Variants in TMEM272 observed in about 807,000 individuals in gnomAD.
TMEM272 encodes the protein long intergenic non-protein coding RNA 282.
A neutral mutation model predicts 3.7 loss-of-function variants in TMEM272; 8 were observed. The ratio of observed to expected loss-of-function variants is 2.17; its 90% CI spans 1.27 to 3.91. The LOEUF (loss-of-function observed/expected upper bound fraction) is 3.91. Ranked by LOEUF, TMEM272 falls within the 30% of genes most tolerant of loss-of-function variation. The pLI is 0.00. For missense variants in TMEM272, 166 were observed against 91.5 expected, an observed-to-expected ratio of 1.81 and a Z score of -3.32; for synonymous variants, 63 against 39.8, an observed-to-expected ratio of 1.58 and a Z score of -2.20.
the TMEM272 span, among the ~76,000 whole-genome samples, chr13:51,884,290 A>G: frequency 2.0e-5 from 3 of 152,242 alleles, no homozygotes; most frequent in African/African-American, 7.2e-5. Flanking sequence ...CATTTTCCAC[A>G]GATGGGGAGC....
At chr13:51,857,040 A>G in the TMEM272 span, among the ~76,000 whole-genome samples, 1 of 152,188 alleles carries the variant, frequency 6.6e-6, no homozygotes, top group Non-Finnish European at 1.5e-5. Flanking sequence ...TACTATGATA[A>G]TACAAATTCA....
In TMEM272 at chr13:51,816,789, G is replaced by C; in HGVS notation, c.526C>G (p.Leu176Val). 1.4e-6 allele frequency: 1 copy of C among 702,760 alleles called. No individual in the cohort carries two copies. The highest frequency in any genetic ancestry group is 2.6e-6 in the Non-Finnish European group (1 of 384,798). 43.5% of individuals were successfully genotyped at this position (702,760 alleles called of 1,614,324 possible). Residue 176 changes from leucine to valine, a missense_variant, in exon 5 of 5, where the codon CTG becomes GTG. Leu to Val is a conservative substitution (Grantham distance 32, BLOSUM62 1). Transcript: ENST00000629372. ...LLLLCSGCVYLCSRWRLAADE... is the reference protein window; with the variant it reads ...LLLLCSGCVYVCSRWRLAADE... ...GCAGCAAGTCTCCACCTGGAGCACA[G>C]GTAGACACAGCCGCTGCACAGCAGG...
intron 3 of TMEM272, among the ~76,000 whole-genome samples, chr13:51,826,138 C>CAAAAAAA (rs11295480): frequency 3.2e-5 from 4 of 123,190 alleles, no homozygotes; most frequent in East Asian, 2.5e-4. Context: ...ATTCATTCAG[C>CAAAAAAA]AAAAAAAAAA....
chr13:51,832,780 A>T (rs541740690), intron 2 of TMEM272, among the ~76,000 whole-genome samples: 21 of 152,164 alleles, frequency 1.4e-4, no homozygotes, highest in Non-Finnish European at 2.9e-4. Context: ...TTAGCACTTA[A>T]TCCCCTTTGA....
At chr13:51,865,363 G>C in the TMEM272 span, 2 of 1,562,836 alleles carry the variant, frequency 1.3e-6, no homozygotes, top group Admixed American at 3.8e-5. Context: ...CCTGGCCAAG[G>C]GTCCTGTCAT....
chr13:51,903,157 T>G, the TMEM272 span, among the ~76,000 whole-genome samples: 15 of 152,234 alleles, frequency 9.9e-5, no homozygotes, highest in Non-Finnish European at 1.8e-4. Flanking sequence ...TCTCACCTCC[T>G]TAGTGTGTGT....
At chr13:51,923,690 G>C in the TMEM272 span, among the ~76,000 whole-genome samples, 1 of 149,958 alleles carries the variant, frequency 6.7e-6, no homozygotes, top group East Asian at 2.0e-4. Flanking sequence ...GGAGAGAAGG[G>C]GGTAAAAGAA....
intron 2 of TMEM272, among the ~76,000 whole-genome samples, chr13:51,830,234 C>T (rs1413711425): frequency 1.3e-5 from 2 of 152,222 alleles, no homozygotes; most frequent in African/African-American, 4.8e-5. Context: ...GTTTAATTCT[C>T]AGGCCCAGCT....
chr13:51,921,411 A>G, the TMEM272 span: 1 of 152,168 alleles, frequency 6.6e-6, no homozygotes, highest in Non-Finnish European at 1.5e-5. Context: ...GACTTAAATG[A>G]TCCAAGGGCA....
chr13:51,849,227 T>C (rs373650702), upstream of TMEM272, among the ~76,000 whole-genome samples: 2 of 152,184 alleles, frequency 1.3e-5, no homozygotes, highest in African/African-American at 4.8e-5. Context: ...GAGGCCATTA[T>C]GCTAAGAAAT....
chr13:51,919,869 A>C, the TMEM272 span, among the ~76,000 whole-genome samples: 1 of 152,356 alleles, frequency 6.6e-6, no homozygotes, highest in Admixed American at 6.5e-5. Flanking sequence ...CAAGCAAAGA[A>C]AGTGAGTACT....
At chr13:51,918,778 C>T in the TMEM272 span, among the ~76,000 whole-genome samples, 1 of 151,380 alleles carries the variant, frequency 6.6e-6, no homozygotes, top group African/African-American at 2.4e-5. Context: ...GGACACGTCA[C>T]CATGCCTGGC....
chr13:51,905,084 G>A, the TMEM272 span, among the ~76,000 whole-genome samples: 1 of 152,200 alleles, frequency 6.6e-6, no homozygotes, highest in East Asian at 1.9e-4. Context: ...TCCTGGGGGA[G>A]GTCAAAAGCA....
the TMEM272 span, among the ~76,000 whole-genome samples, chr13:51,928,060 G>A: frequency 6.6e-6 from 1 of 152,084 alleles, no homozygotes; most frequent in East Asian, 1.9e-4. Context: ...GGCACACTGA[G>A]GTGGAGGACA....
the TMEM272 span, chr13:51,862,257 T>C: frequency 6.6e-6 from 1 of 152,248 alleles, no homozygotes; most frequent in Admixed American, 6.5e-5. Context: ...TTAGACTGTA[T>C]AGTATTTGTT....
chr13:51,831,228 C>A (rs976172748), intron 2 of TMEM272, among the ~76,000 whole-genome samples: 1 of 152,120 alleles, frequency 6.6e-6, no homozygotes, highest in East Asian at 1.9e-4. Flanking sequence ...TTGAAACCCA[C>A]CTGGGCAACA....
the TMEM272 span, among the ~76,000 whole-genome samples, chr13:51,858,893 G>T: frequency 6.6e-6 from 1 of 152,160 alleles, no homozygotes; most frequent in South Asian, 2.1e-4. Flanking sequence ...CCATCCACCC[G>T]GTGGCAGGTC....
chr13:51,827,745 C>CA (rs1450578112), intron 2 of TMEM272, among the ~76,000 whole-genome samples: 2 of 152,188 alleles, frequency 1.3e-5, no homozygotes, highest in Admixed American at 6.5e-5. Flanking sequence ...CCTACCTCCC[C>CA]ATTCTGCTGT....
At chr13:51,856,034 C>A in the TMEM272 span, among the ~76,000 whole-genome samples, 3 of 152,306 alleles carry the variant, frequency 2.0e-5, no homozygotes, top group South Asian at 6.2e-4. Context: ...GGAGTTATTA[C>A]TCAAATCACT....
Sources: gnomAD v4.1 joint callset for allele counts (sites outside exome capture counted in the v4.1 genomes callset) on GRCh38, gnomAD v4.1.1 for gene constraint, MANE v1.5 for transcripts, NCBI Gene and HGNC (gene_info 2026-07-23, HGNC 2026-07-21) for gene names.